The following UBE2K variants were observed in gnomAD, a reference collection of about 807,000 sequenced individuals.
UBE2K encodes ubiquitin conjugating enzyme E2 K.
A neutral mutation model predicts 30.0 loss-of-function variants in UBE2K; 6 were observed. The ratio of observed to expected loss-of-function variants is 0.20; its 90% confidence interval spans 0.11 to 0.39. UBE2K has a LOEUF of 0.39. UBE2K is among the 10% of genes least tolerant of loss of function. The pLI is 1.00. For synonymous variants in UBE2K, 86 were observed against 83.7 expected (o/e 1.03, Z -0.15); for missense variants, 61 against 241.6 (o/e 0.25, Z 4.96).
intron 5 of UBE2K, among the ~76,000 whole-genome samples, chr4:39,775,349 T>C (rs1225515449): frequency 6.6e-6 from 1 of 152,230 alleles, no homozygotes; most frequent in Non-Finnish European, 1.5e-5. Context: ...ACCTTGTAAT[T>C]TGTTGAACAG....
chr4:39,740,279 A>G (rs1219059967), intron 2 of UBE2K, among the ~76,000 whole-genome samples: 4 of 152,146 alleles, frequency 2.6e-5, no homozygotes, highest in Non-Finnish European at 1.5e-5. Flanking sequence ...TGATTTTTAT[A>G]AACAAGGCAC....
At chr4:39,774,622 A>G (rs1186137541) in intron 4 of UBE2K, among the ~76,000 whole-genome samples, 1 of 152,176 alleles carries the variant, frequency 6.6e-6, no homozygotes, top group Non-Finnish European at 1.5e-5. Flanking sequence ...CAGGGGAAAA[A>G]AAGAAAAAAG....
intron 1 of UBE2K, among the ~76,000 whole-genome samples, chr4:39,701,990 A>G (rs1005617224): frequency 2.0e-5 from 3 of 151,584 alleles, no homozygotes; most frequent in African/African-American, 7.3e-5. Context: ...TGAACTCCTA[A>G]CTTCAAGTGA....
At chr4:39,766,338 G>A (rs1282491693) in intron 4 of UBE2K, among the ~76,000 whole-genome samples, 1 of 152,086 alleles carries the variant, frequency 6.6e-6, no homozygotes, top group East Asian at 1.9e-4. Flanking sequence ...TGGATATGAA[G>A]TGATAGGTCA....
At position 39,782,030 on chromosome 4, in the gene UBE2K, G is replaced by C. The variant is rs1469296430; in HGVS notation, c.*3596G>C. The C allele has an allele frequency of 5.0e-6, 2 of 398,094 alleles. No homozygotes were observed. Among genetic ancestry groups the C allele is most frequent in the Non-Finnish European group, 8.9e-6 (2 of 225,774 alleles). 24.7% of individuals were successfully genotyped at this position (398,094 alleles called of 1,614,324 possible). On this transcript the variant is annotated 3_prime_UTR_variant, in exon 7 of 7. Coordinates refer to ENST00000261427, the MANE Select transcript of UBE2K (RefSeq NM_005339.5). ...TTGCACTGCTGCAATATAGATCAAA[G>C]ATCTTGTGGCATAGGGGTAGGGGAG...
chr4:39,773,282 T>C (rs1713039860), intron 4 of UBE2K, among the ~76,000 whole-genome samples: 1 of 146,956 alleles, frequency 6.8e-6, no homozygotes, highest in South Asian at 2.2e-4. Context: ...ATCCTGTGTC[T>C]CACGGTGAAA....
chr4:39,761,445 A>G (rs909613630), intron 4 of UBE2K: 1 of 152,260 alleles, frequency 6.6e-6, no homozygotes, highest in Non-Finnish European at 1.5e-5. Flanking sequence ...TCACATGATT[A>G]TTCTACATAG....
At chr4:39,778,211 G>T in intron 6 of UBE2K, 149 bp from the exon 7 acceptor site, 1 of 358,560 alleles carries the variant, frequency 2.8e-6, no homozygotes, top group Non-Finnish European at 4.9e-6. Context: ...TACTGTCATT[G>T]ATTTTAGAAG....
intron 3 of UBE2K, among the ~76,000 whole-genome samples, chr4:39,747,805 CTT>C (rs770743576): frequency 1.2e-4 from 17 of 137,760 alleles, no homozygotes; most frequent in Admixed American, 1.5e-4. Flanking sequence ...TTGTTGTTTT[CTT>C]TTTTTTTTTT....
intron 3 of UBE2K, among the ~76,000 whole-genome samples, chr4:39,751,123 A>G (rs1185938001): frequency 1.4e-5 from 2 of 144,752 alleles, no homozygotes; most frequent in East Asian, 2.1e-4. Context: ...TTTTTTTTCA[A>G]ATAGGGACGG....
intron 2 of UBE2K, among the ~76,000 whole-genome samples, chr4:39,739,113 C>T (rs948278958): frequency 3.3e-5 from 5 of 151,910 alleles, no homozygotes; most frequent in South Asian, 4.2e-4. Flanking sequence ...CTGCAAGCTT[C>T]GCCTCCTGGA....
At chr4:39,710,896 T>C (rs1301956538) in intron 1 of UBE2K, among the ~76,000 whole-genome samples, 1 of 152,064 alleles carries the variant, frequency 6.6e-6, no homozygotes, top group East Asian at 1.9e-4. Flanking sequence ...CTTCTCATAC[T>C]GTGGGCTAAA....
chr4:39,740,323 ATAGG>A (rs1720623901), intron 2 of UBE2K, among the ~76,000 whole-genome samples: 1 of 152,106 alleles, frequency 6.6e-6, no homozygotes, highest in Non-Finnish European at 1.5e-5. Flanking sequence ...GCAATATTTA[ATAGG>A]TAGATTAATT....
chr4:39,737,910 T>C (rs1187677890), intron 2 of UBE2K, among the ~76,000 whole-genome samples: 1 of 152,208 alleles, frequency 6.6e-6, no homozygotes, highest in African/African-American at 2.4e-5. Flanking sequence ...AGTTCTTCTT[T>C]CTGTCATTCA....
At chr4:39,756,814 A>T (rs781277529) in intron 4 of UBE2K, among the ~76,000 whole-genome samples, 2 of 152,194 alleles carry the variant, frequency 1.3e-5, no homozygotes, top group Non-Finnish European at 2.9e-5. Context: ...GTGAGTGTCT[A>T]TTATGACCTT....
intron 1 of UBE2K, among the ~76,000 whole-genome samples, chr4:39,713,358 G>A (rs1258939621): frequency 6.6e-5 from 9 of 137,072 alleles, no homozygotes; most frequent in African/African-American, 2.5e-4. Flanking sequence ...TCAGGGTTTC[G>A]CTTTGTTAGC....
chr4:39,726,468 G>T (rs1049564267), intron 1 of UBE2K, among the ~76,000 whole-genome samples: 1 of 152,012 alleles, frequency 6.6e-6, no homozygotes, highest in Non-Finnish European at 1.5e-5. Flanking sequence ...CAATCCTCCT[G>T]CCTCAGTCTC....
chr4:39,754,438 A>G (rs549223123), intron 3 of UBE2K, among the ~76,000 whole-genome samples: 1 of 152,354 alleles, frequency 6.6e-6, no homozygotes, highest in African/African-American at 2.4e-5. Flanking sequence ...GTGTAAACAA[A>G]TCAAGAAGTC....
At chr4:39,747,744 G>C (rs992173871) in intron 3 of UBE2K, among the ~76,000 whole-genome samples, 3 of 151,672 alleles carry the variant, frequency 2.0e-5, no homozygotes, top group Admixed American at 6.6e-5. Context: ...AGCCTCCCAA[G>C]TAGCTGGGAC....
Sources: allele counts gnomAD v4.1 joint callset (sites outside exome capture counted in the v4.1 genomes callset), GRCh38; gene constraint gnomAD v4.1.1; transcripts MANE v1.5; gene names NCBI Gene and HGNC (gene_info 2026-07-23, HGNC 2026-07-21).